The following TRPM3 variants were observed in gnomAD, a reference collection of about 807,000 sequenced individuals.
TRPM3 encodes transient receptor potential cation channel subfamily M member 3, also known as long transient receptor potential channel 3.
TRPM3 carries 77 observed loss-of-function variants against 181.2 expected under a neutral mutation model. That is an observed-to-expected ratio of 0.42 (90% CI 0.35 to 0.51). The LOEUF (loss-of-function observed/expected upper bound fraction) is 0.51, where lower values mean the gene tolerates loss of function less well. TRPM3 is among the 20% of genes least tolerant of loss of function. The pLI is 0.01. For synonymous variants in TRPM3, 745 were observed against 796.4 expected, an observed-to-expected ratio of 0.94 and a Z score of 1.09; for missense variants, 1,759 against 2,196.7, an observed-to-expected ratio of 0.80 and a Z score of 3.98.
chr9:70,664,995 G>A (rs185747980), intron 9 of TRPM3, among the ~76,000 whole-genome samples: 18 of 152,284 alleles, frequency 1.2e-4, no homozygotes, highest in Admixed American at 5.9e-4. Context: ...GGTCTAACAG[G>A]ACATCACTCT....
intron 3 of TRPM3, among the ~76,000 whole-genome samples, chr9:70,850,150 T>C (rs1026702792): frequency 1.2e-4 from 18 of 152,188 alleles, no homozygotes; most frequent in Admixed American, 6.5e-4. Context: ...GGTAAGTACA[T>C]TATATCACTA....
At chr9:71,083,878 A>C (rs546701876) in intron 1 of TRPM3, among the ~76,000 whole-genome samples, 2 of 151,990 alleles carry the variant, frequency 1.3e-5, no homozygotes, top group South Asian at 2.1e-4. Flanking sequence ...GTATATATAG[A>C]TACATATATA....
chr9:70,978,773 G>C (rs1197904359), intron 1 of TRPM3, among the ~76,000 whole-genome samples: 1 of 152,164 alleles, frequency 6.6e-6, no homozygotes, highest in Non-Finnish European at 1.5e-5. Context: ...TTTATGTGGG[G>C]AAGTGGGTCT....
intron 5 of TRPM3, among the ~76,000 whole-genome samples, chr9:70,830,860 T>C (rs781718772): frequency 2.0e-4 from 30 of 152,220 alleles, no homozygotes; most frequent in Non-Finnish European, 3.4e-4. Flanking sequence ...ATTCTATAAA[T>C]GTTAATTCCT....
At chr9:71,166,228 C>G (rs557405280) in intron 1 of TRPM3, among the ~76,000 whole-genome samples, 1 of 152,218 alleles carries the variant, frequency 6.6e-6, no homozygotes, top group Admixed American at 6.5e-5. Context: ...CCACAGAAGT[C>G]ACCAAATGGA....
chr9:70,918,568 A>T (rs1320201136), intron 1 of TRPM3, among the ~76,000 whole-genome samples: 2 of 152,190 alleles, frequency 1.3e-5, no homozygotes, highest in Admixed American at 6.5e-5. Flanking sequence ...TTCTTGAAAC[A>T]AATTATAATG....
intron 1 of TRPM3, among the ~76,000 whole-genome samples, chr9:70,876,300 TATACATATATAGAC>T (rs1466481219): frequency 7.2e-6 from 1 of 138,228 alleles, no homozygotes; most frequent in African/African-American, 2.8e-5. Context: ...TATATAGACA[TATACATATATAGAC>T]ATATATATAT....
At chr9:70,541,712 T>C (rs964828617) in intron 25 of TRPM3, among the ~76,000 whole-genome samples, 3 of 152,196 alleles carry the variant, frequency 2.0e-5, no homozygotes, top group Non-Finnish European at 4.4e-5. Flanking sequence ...GGTTTCTCCA[T>C]GTTGGTCAGG....
At chr9:70,865,755 C>T (rs1438208569) in intron 1 of TRPM3, among the ~76,000 whole-genome samples, 1 of 152,006 alleles carries the variant, frequency 6.6e-6, no homozygotes, top group East Asian at 1.9e-4. Context: ...TGACAGTGCA[C>T]ATTTTACAAG....
rs1316278122 is a variant in TRPM3 at position 70,530,110 on chromosome 9, G to GT, written c.*5842dup. 1 of 152,258 alleles carries GT rather than the reference G, an allele frequency of 6.6e-6. No homozygotes were observed. The highest frequency in any genetic ancestry group is 1.5e-5 in the Non-Finnish European group (1 of 68,080). The allele number at this position is 152,258 out of a possible 1,614,324, so 9.4% of individuals were successfully genotyped here. A position where few individuals can be genotyped will look rare whatever the true frequency, so the allele number is the denominator to read the frequency against. On this transcript the variant is annotated 3_prime_UTR_variant, in exon 26 of 26. Coordinates refer to ENST00000677713, the MANE Select transcript of TRPM3 (RefSeq NM_001366145.2). ...GAGGTCAATGTGAACACCAGCCGGG[G>GT]TAGAGGCAGGAGGAGGCTAAGTTGG...
At chr9:71,077,264 C>T (rs1196374415) in intron 1 of TRPM3, among the ~76,000 whole-genome samples, 1 of 148,166 alleles carries the variant, frequency 6.7e-6, no homozygotes, top group African/African-American at 2.4e-5. Context: ...AGAAGTACTT[C>T]TAGGTTTGGA....
At position 70,610,619 on chromosome 9, in the gene TRPM3, C is replaced by G; in HGVS notation, c.2657G>C (p.Trp886Ser). ...EFYNAPIVKF[W>S]FYTLAYIGYL... ...AGGAAATGTGCTTACTGTGTAGAAC[C>G]AGAACTTCACGATGGGTGCATTGTA... Residue 886 changes from tryptophan to serine, a missense_variant, in exon 19 of 26, where the codon TGG (tryptophan) becomes TCG (serine). Trp to Ser is a radical substitution (Grantham distance 177). Around this residue, in one of 8 missense-constraint regions of TRPM3, gnomAD observed 2 missense variants for 17.4 expected, o/e 0.11. Coordinates refer to ENST00000677713, the MANE Select transcript of TRPM3 (RefSeq NM_001366145.2). The G allele has an allele frequency of 6.2e-7, 1 of 1,613,688 alleles. No homozygotes were observed. The highest frequency in any genetic ancestry group is 1.7e-4 in the Middle Eastern group (1 of 6,060).
intron 10 of TRPM3, among the ~76,000 whole-genome samples, chr9:70,639,912 C>A (rs1177980780): frequency 6.6e-6 from 1 of 152,202 alleles, no homozygotes; most frequent in African/African-American, 2.4e-5. Context: ...ATAAGGCTTG[C>A]CGGTGAGTGC....
chr9:70,898,810 G>A (rs536472421), intron 1 of TRPM3, among the ~76,000 whole-genome samples: 22 of 151,320 alleles, frequency 1.5e-4, no homozygotes, highest in African/African-American at 4.6e-4. Context: ...TACTGGTTTC[G>A]TTCTACTTCT....
At chr9:71,380,937 C>T (rs922212351) in intron 1 of TRPM3, among the ~76,000 whole-genome samples, 8 of 149,618 alleles carry the variant, frequency 5.3e-5, no homozygotes, top group East Asian at 3.9e-4. Flanking sequence ...ATGAAGACGA[C>T]GACAAAATGA....
chr9:71,366,438 G>C (rs943507372), intron 1 of TRPM3, among the ~76,000 whole-genome samples: 10 of 152,050 alleles, frequency 6.6e-5, no homozygotes, highest in African/African-American at 2.4e-4. Flanking sequence ...AGACAGCCAG[G>C]GTCTCATAGC....
At chr9:70,783,915 C>G (rs182184632) in intron 7 of TRPM3, 190 bp downstream of exon 7, 40 of 1,324,958 alleles carry the variant, frequency 3.0e-5, no homozygotes, top group Non-Finnish European at 4.8e-6. Context: ...TTTCCCACTT[C>G]ACAGGACATT....
chr9:71,189,773 TC>T (rs781458440), intron 1 of TRPM3, among the ~76,000 whole-genome samples: 8 of 151,864 alleles, frequency 5.3e-5, no homozygotes, highest in Non-Finnish European at 8.8e-5. Context: ...TGTATATGTC[TC>T]AAGTCAGCTC....
At chr9:71,046,702 A>G (rs2059481476) in intron 1 of TRPM3, among the ~76,000 whole-genome samples, 1 of 152,230 alleles carries the variant, frequency 6.6e-6, no homozygotes, top group South Asian at 2.1e-4. Flanking sequence ...AGGAAAAAAG[A>G]AATTAATTAT....
Sources: gnomAD v4.1 joint callset for allele counts (sites outside exome capture counted in the v4.1 genomes callset) on GRCh38, gnomAD v4.1.1 for gene constraint, gnomAD v4.1.1 regional missense constraint, MANE v1.5 for transcripts, NCBI Gene and HGNC (gene_info 2026-07-23, HGNC 2026-07-21) for gene names.